Variants in OTUD4 observed in about 807,000 individuals in gnomAD.
OTUD4 encodes OTU deubiquitinase 4.
Under a neutral mutation model 130.4 loss-of-function variants are expected in OTUD4, and 24 were observed. That is an observed-to-expected ratio of 0.18 (90% confidence interval 0.13 to 0.26). OTUD4 has a LOEUF of 0.26. Ranked by LOEUF, OTUD4 falls within the 10% of genes least tolerant of loss-of-function variation. OTUD4 has a pLI of 1.00. For synonymous variants in OTUD4, 420 were observed against 472.5 expected (o/e 0.89, Z 1.44); for missense variants, 1,031 against 1,329.4 (o/e 0.78, Z 3.49).
At chr4:145,141,321 C>T (rs1321726556) in intron 19 of OTUD4, 58 bp downstream of exon 19, 17 of 1,468,586 alleles carry the variant, frequency 1.2e-5, no homozygotes, top group Non-Finnish European at 1.5e-5. Flanking sequence ...CTCTTCATTT[C>T]TTAACTAAGC....
intron 1 of OTUD4, among the ~76,000 whole-genome samples, chr4:145,175,332 A>AG (rs1026101901): frequency 6.6e-6 from 1 of 152,146 alleles, no homozygotes; most frequent in Non-Finnish European, 1.5e-5. Flanking sequence ...TAGGCAGCAT[A>AG]GGGGGTGCAA....
intron 3 of OTUD4, among the ~76,000 whole-genome samples, chr4:145,168,600 CAAAT>C (rs1211071518): frequency 6.6e-6 from 1 of 151,952 alleles, no homozygotes; most frequent in African/African-American, 2.4e-5. Context: ...AGATAGATGA[CAAAT>C]AAGCACATGA....
intron 16 of OTUD4, 58 bp downstream of exon 16, chr4:145,143,888 C>CTGT (rs1348192920): frequency 8.2e-7 from 1 of 1,217,930 alleles, no homozygotes; most frequent in Admixed American, 1.8e-5. Context: ...CTTCTTCCTA[C>CTGT]TGTACTACAC....
rs1750231189 is a variant in OTUD4 at position 145,136,054 on chromosome 4, A to G, written c.*1376T>C. 1 of 152,668 alleles carries G rather than the reference A, an allele frequency of 6.6e-6. No individual in the cohort carries two copies. The highest frequency in any genetic ancestry group is 1.9e-4 in the East Asian group (1 of 5,200). 9.5% of individuals were successfully genotyped at this position (152,668 alleles called of 1,614,324 possible). ...TGCAAAGAGAAATTACTACTATGTT[A>G]TTTGCATAGCACTCAAACTTCCTGA... On this transcript the variant is annotated 3_prime_UTR_variant, in exon 21 of 21. Transcript: ENST00000447906.
intron 10 of OTUD4, among the ~76,000 whole-genome samples, chr4:145,155,133 T>C (rs36225842): frequency 0.017 from 2,661 of 152,348 alleles, 40 homozygotes; most frequent in Non-Finnish European, 0.019. Context: ...TCTGAAATGT[T>C]ATCATTACTT....
At chr4:145,150,409 G>A (rs1357506605) in intron 13 of OTUD4, 104 bp downstream of exon 13, 1 of 723,960 alleles carries the variant, frequency 1.4e-6, no homozygotes, top group Non-Finnish European at 2.3e-6. Context: ...TAGGGACAAT[G>A]ATATGAGTAA....
chr4:145,176,683 A>G (rs1752445428), intron 1 of OTUD4, among the ~76,000 whole-genome samples: 1 of 152,096 alleles, frequency 6.6e-6, no homozygotes, highest in Non-Finnish European at 1.5e-5. Context: ...TGAGTGACAG[A>G]GTAAGACTCT....
chr4:145,142,373 CAAG>C (rs766396646), intron 17 of OTUD4, 39 bp from the exon 18 acceptor site: 8 of 1,598,272 alleles, frequency 5.0e-6, no homozygotes, highest in South Asian at 1.1e-5. Context: ...CAGAAAAAGA[CAAG>C]AGGTCATTTT....
intron 5 of OTUD4, among the ~76,000 whole-genome samples, chr4:145,162,976 T>C (rs916800504): frequency 1.1e-4 from 16 of 152,152 alleles, no homozygotes; most frequent in African/African-American, 3.9e-4. Flanking sequence ...AAAAATAATA[T>C]ATGAAAACAT....
At chr4:145,149,145 C>T (rs1750957197) in intron 13 of OTUD4, among the ~76,000 whole-genome samples, 1 of 152,036 alleles carries the variant, frequency 6.6e-6, no homozygotes, top group Non-Finnish European at 1.5e-5. Context: ...AGGACCTAAA[C>T]CCAGTATGAC....
chr4:145,162,324 C>A (rs1215123930), intron 6 of OTUD4, among the ~76,000 whole-genome samples: 1 of 152,112 alleles, frequency 6.6e-6, no homozygotes, highest in South Asian at 2.1e-4. Context: ...GAGGTCGAGG[C>A]GGGCGGATCA....
intron 3 of OTUD4, among the ~76,000 whole-genome samples, chr4:145,168,356 G>T (rs1751978301): frequency 2.0e-5 from 3 of 146,606 alleles, no homozygotes; most frequent in Admixed American, 6.9e-5. Context: ...CTCCAGCCTG[G>T]GCAACAGAGC....
intron 1 of OTUD4, among the ~76,000 whole-genome samples, chr4:145,179,198 G>A (rs1752571943): frequency 6.6e-6 from 1 of 152,134 alleles, no homozygotes; most frequent in Non-Finnish European, 1.5e-5. Context: ...GTTCTGTTTA[G>A]TATACCTACA....
At chr4:145,139,925 CT>C in intron 20 of OTUD4, 25 bp downstream of exon 20, 1 of 717,766 alleles carries the variant, frequency 1.4e-6, no homozygotes, top group Non-Finnish European at 2.3e-6. Context: ...AATAAAATAA[CT>C]TTTAAGATGA....
chr4:145,146,016 G>A (rs780809358), intron 14 of OTUD4: 13 of 269,704 alleles, frequency 4.8e-5, no homozygotes, highest in Admixed American at 1.1e-4. Flanking sequence ...AAGAAAACAC[G>A]AAACACTACA....
In OTUD4 at chr4:145,133,927, C is replaced by T. The variant is rs1006184322; in HGVS notation, c.*3503G>A. The T allele has an allele frequency of 3.3e-5, 5 of 152,588 alleles. No individual in the cohort carries two copies. The highest frequency in any genetic ancestry group is 4.8e-5 in the African/African-American group (2 of 41,450). 9.5% of individuals were successfully genotyped at this position (152,588 alleles called of 1,614,324 possible). On this transcript the variant is annotated 3_prime_UTR_variant, in exon 21 of 21. Coordinates refer to ENST00000447906, the MANE Select transcript of OTUD4 (RefSeq NM_001366057.1). ...TCACAAATGATCACATCTTCACATG[C>T]TCTTAAAGTATTATTTGTACTCAGT... is the stretch of plus-strand genomic sequence containing the variant.
At chr4:145,155,518 T>C in intron 9 of OTUD4, 43 bp from the exon 10 acceptor site, 2 of 1,599,766 alleles carry the variant, frequency 1.3e-6, no homozygotes, top group Admixed American at 1.7e-5. Context: ...AGTTGACTTA[T>C]TTTCAAGTGC....
Position 145,144,375 on chromosome 4 carries a change from T to C in OTUD4, c.1482A>G (p.Ser494=). The change falls in exon 15 of 21, where the codon TCA becomes TCG. Residue 494 remains serine (S), a synonymous_variant. Transcript: ENST00000447906. ...TTCCTTTTCTATCACCTACATGTGA[T>C]GATTTTCTCTGGACACATGGATTGC... ...QSSNPCVQRK[S]SHVGDRKGSR... is the part of the protein sequence containing the mutation. 6.2e-7 allele frequency: 1 copy of C among 1,612,756 alleles called. No individual in the cohort carries two copies.
At chr4:145,143,322 CAG>C (rs751463134) in intron 17 of OTUD4, 41 bp downstream of exon 17, 1 of 1,237,202 alleles carries the variant, frequency 8.1e-7, no homozygotes. Flanking sequence ...CACAGAAACC[CAG>C]AGAGTGGAGC....
Sources: gnomAD v4.1 joint callset for allele counts (sites outside exome capture counted in the v4.1 genomes callset) on GRCh38, gnomAD v4.1.1 for gene constraint, MANE v1.5 for transcripts, NCBI Gene and HGNC (gene_info 2026-07-23, HGNC 2026-07-21) for gene names.